PWP1: variants seen among roughly 807,000 people sequenced by gnomAD.
PWP1 encodes periodic tryptophan protein 1 homolog.
A neutral mutation model predicts 69.9 loss-of-function variants in PWP1; 47 were observed. The ratio of observed to expected loss-of-function variants is 0.67; its 90% CI spans 0.53 to 0.86. PWP1 has a LOEUF of 0.86. Among genes scored for constraint, PWP1 ranks in the 40% least tolerant of loss-of-function variants. The pLI, the probability that PWP1 is intolerant of heterozygous loss-of-function variation, is 0.00. For synonymous variants in PWP1, 222 were observed against 208.2 expected, an observed-to-expected ratio of 1.07 and a Z score of -0.57; for missense variants, 551 against 608.8, an observed-to-expected ratio of 0.91 and a Z score of 1.00.
At chr12:107,691,951 C>G (rs1213897283) in intron 3 of PWP1, among the ~76,000 whole-genome samples, 2 of 152,140 alleles carry the variant, frequency 1.3e-5, no homozygotes, top group African/African-American at 4.8e-5. Flanking sequence ...GCTCTAAAGC[C>G]TTCATTCTTT....
chr12:107,686,034 G>T, intron 1 of PWP1, 63 bp downstream of exon 1: 1 of 1,570,892 alleles, frequency 6.4e-7, no homozygotes, highest in Non-Finnish European at 8.7e-7. Context: ...GGTCCGCCCA[G>T]CTGGGGGAAC....
intron 4 of PWP1, 21 bp downstream of exon 4, chr12:107,692,920 T>C (rs2287216): frequency 0.37 from 594,145 of 1,612,532 alleles, 116,763 homozygotes; most frequent in Middle Eastern, 0.41. Context: ...ACATCTTTTT[T>C]CTAATTATGC....
At chr12:107,694,168 C>T (rs541467648) in intron 5 of PWP1, among the ~76,000 whole-genome samples, 10 of 152,094 alleles carry the variant, frequency 6.6e-5, no homozygotes, top group Non-Finnish European at 1.2e-4. Context: ...TAAAAGTAGA[C>T]TTGCACAATG....
At chr12:107,705,661 A>G (rs1428074953) in intron 11 of PWP1, among the ~76,000 whole-genome samples, 1 of 151,786 alleles carries the variant, frequency 6.6e-6, no homozygotes, top group African/African-American at 2.4e-5. Context: ...TCTGAGAATG[A>G]TGGTTTCCAG....
chr12:107,690,003 C>T (rs1160391382), intron 3 of PWP1, among the ~76,000 whole-genome samples: 1 of 152,188 alleles, frequency 6.6e-6, no homozygotes, highest in Non-Finnish European at 1.5e-5. Flanking sequence ...GCATTTGGCA[C>T]ACTGAGCAGG....
chr12:107,699,361 C>T lies in PWP1; in HGVS notation c.745-12C>T. ...ACTTTAATACAAAAAATAATTAAAA[C>T]AATTATTACAGAGTTCCTCAGCAGA... On this transcript the variant is annotated splice_polypyrimidine_tract_variant and intron_variant, in intron 7 of 14. Coordinates refer to ENST00000412830, the MANE Select transcript of PWP1 (RefSeq NM_007062.3). The T allele has an allele frequency of 6.3e-7, 1 of 1,599,600 alleles. No homozygotes were observed. The highest frequency in any genetic ancestry group is 8.6e-7 in the Non-Finnish European group (1 of 1,169,542).
At chr12:107,691,107 C>T (rs1244387978) in intron 3 of PWP1, among the ~76,000 whole-genome samples, 2 of 152,202 alleles carry the variant, frequency 1.3e-5, no homozygotes, top group Non-Finnish European at 2.9e-5. Context: ...CAGTAGATAA[C>T]ATTGTGGAGG....
intron 5 of PWP1, among the ~76,000 whole-genome samples, chr12:107,693,427 C>T (rs982580381): frequency 6.6e-6 from 1 of 152,066 alleles, no homozygotes; most frequent in African/African-American, 2.4e-5. Context: ...CTGATTTGGC[C>T]TCCCAAAGTG....
chr12:107,704,137 T>C (rs943668739), intron 10 of PWP1, among the ~76,000 whole-genome samples: 9 of 152,254 alleles, frequency 5.9e-5, no homozygotes, highest in African/African-American at 2.2e-4. Flanking sequence ...GAGAAACAGA[T>C]AGTAGAAGCC....
intron 9 of PWP1, among the ~76,000 whole-genome samples, chr12:107,703,406 T>C (rs1432074428): frequency 6.6e-6 from 1 of 152,222 alleles, no homozygotes; most frequent in Non-Finnish European, 1.5e-5. Context: ...CAGATGGGTT[T>C]GACTACTTCC....
At chr12:107,707,622 T>C (rs1043434739) in intron 11 of PWP1, among the ~76,000 whole-genome samples, 8 of 152,218 alleles carry the variant, frequency 5.3e-5, no homozygotes, top group Non-Finnish European at 1.0e-4. Flanking sequence ...TTGAATTTTG[T>C]CAAAGGCCTT....
intron 5 of PWP1, among the ~76,000 whole-genome samples, chr12:107,693,824 C>T (rs1185467526): frequency 6.6e-6 from 1 of 152,014 alleles, no homozygotes; most frequent in Non-Finnish European, 1.5e-5. Flanking sequence ...GCTACTTTTT[C>T]TTTATGTGGA....
intron 8 of PWP1, among the ~76,000 whole-genome samples, chr12:107,701,508 G>A (rs1309322320): frequency 1.3e-5 from 2 of 151,970 alleles, no homozygotes; most frequent in Non-Finnish European, 2.9e-5. Context: ...GCAAACCATC[G>A]CTTAAGTCAG....
At chr12:107,711,676 T>TG (rs1889956037) in intron 14 of PWP1, among the ~76,000 whole-genome samples, 1 of 152,188 alleles carries the variant, frequency 6.6e-6, no homozygotes, top group Admixed American at 6.5e-5. Flanking sequence ...CTCCCCACTG[T>TG]ATGATTCCTG....
chr12:107,700,524 G>A (rs1889686954), intron 8 of PWP1, among the ~76,000 whole-genome samples: 1 of 152,074 alleles, frequency 6.6e-6, no homozygotes, highest in Non-Finnish European at 1.5e-5. Flanking sequence ...CCTTTTTAAG[G>A]CTAAATAATA....
chr12:107,696,395 G>T, intron 5 of PWP1, 79 bp from the exon 6 acceptor site: 1 of 1,560,048 alleles, frequency 6.4e-7, no homozygotes, highest in Non-Finnish European at 8.7e-7. Flanking sequence ...ACATTTAATA[G>T]AATTTGTTTT....
chr12:107,692,736 C>CA (rs1311364813), intron 3 of PWP1, 78 bp from the exon 4 acceptor site: 1 of 1,249,230 alleles, frequency 8.0e-7, no homozygotes, highest in African/African-American at 1.5e-5. Flanking sequence ...CATCTAAGTC[C>CA]AAGAATGGAT....
chr12:107,702,806 C>T (rs1194056280), intron 8 of PWP1, 129 bp from the exon 9 acceptor site: 1 of 651,026 alleles, frequency 1.5e-6, no homozygotes. Context: ...GTAAGTCTTA[C>T]ATTTCTTTTG....
At chr12:107,696,237 T>C (rs1889585172) in intron 5 of PWP1, among the ~76,000 whole-genome samples, 2 of 152,034 alleles carry the variant, frequency 1.3e-5, no homozygotes, top group Admixed American at 1.3e-4. Context: ...TTCATTGTGT[T>C]GGCCAGGCTG....
Sources: allele counts gnomAD v4.1 joint callset (sites outside exome capture counted in the v4.1 genomes callset), GRCh38; gene constraint gnomAD v4.1.1; transcripts MANE v1.5; gene names NCBI Gene and HGNC (gene_info 2026-07-23, HGNC 2026-07-21).